COL5A1: variants seen among roughly 807,000 people sequenced by gnomAD.
The protein encoded by COL5A1 is collagen alpha-1(V) chain.
COL5A1 carries 16 observed loss-of-function variants against 263.7 expected under a neutral mutation model. That is an observed-to-expected ratio of 0.06 (90% CI 0.04 to 0.09). The LOEUF is 0.09. Ranked by LOEUF, COL5A1 falls within the 10% of genes least tolerant of loss-of-function variation. The pLI, the probability that COL5A1 is intolerant of heterozygous loss-of-function variation, is 1.00. For missense variants in COL5A1, 2,036 were observed against 2,540.5 expected (o/e 0.80, Z 4.27); for synonymous variants, 1,012 against 1,004.5 (o/e 1.01, Z -0.14).
intron 2 of COL5A1, 39 bp downstream of exon 2, chr9:134,691,118 G>T: frequency 1.2e-6 from 2 of 1,609,978 alleles, no homozygotes; most frequent in East Asian, 2.2e-5. Flanking sequence ...GGTGGGTCCC[G>T]TTGGCCCTCT....
intron 4 of COL5A1, among the ~76,000 whole-genome samples, chr9:134,703,627 G>GTTTTTTTTTTTTTTT (rs55882557): frequency 1.4e-5 from 1 of 73,230 alleles, no homozygotes; most frequent in African/African-American, 5.7e-5. Context: ...GTGGCCTCGG[G>GTTTTTTTTTTTTTTT]TTTTTTTTTT....
In COL5A1 at chr9:134,824,788, G is replaced by A. The variant is rs1588598230; in HGVS notation, c.4887G>A (p.Leu1629=). 1.2e-6 allele frequency: 2 copies of A among 1,614,128 alleles called. No individual in the cohort carries two copies. Among genetic ancestry groups the A allele is most frequent in the Non-Finnish European group, 1.7e-6 (2 of 1,180,044 alleles). Residue 1629 remains leucine (L), a synonymous_variant, in exon 62 of 66, where the codon CTG becomes CTA. Coordinates refer to ENST00000371817, the MANE Select transcript of COL5A1 (RefSeq NM_000093.5). ...AGATTGAGCAGATGAAACGGCCCCT[G>A]GGCACGCAGCAGAACCCCGCCCGCA... ...KLEIEQMKRP[L]GTQQNPARTC... is the part of the protein sequence containing the mutation.
chr9:134,780,362 A>G (rs1181009612), intron 28 of COL5A1, among the ~76,000 whole-genome samples: 1 of 152,180 alleles, frequency 6.6e-6, no homozygotes, highest in African/African-American at 2.4e-5. Flanking sequence ...CCAGGGGCAC[A>G]TCTCCTAGCA....
chr9:134,803,175 G>C (rs928639586), intron 39 of COL5A1, among the ~76,000 whole-genome samples, 180 bp downstream of exon 39: 2 of 152,146 alleles, frequency 1.3e-5, no homozygotes, highest in Non-Finnish European at 2.9e-5. Context: ...TCCAGGAGTC[G>C]CGCTGACCTG....
intron 18 of COL5A1, among the ~76,000 whole-genome samples, chr9:134,761,378 C>G (rs184532580): frequency 6.6e-6 from 1 of 152,346 alleles, no homozygotes; most frequent in African/African-American, 2.4e-5. Context: ...CTCCATGATG[C>G]CTTGAGAAGG....
In COL5A1 at chr9:134,665,115, C is replaced by T. The variant is rs1410721375; in HGVS notation, c.109+22819C>T. On this transcript the variant is annotated intron_variant, in intron 1 of 65. Coordinates refer to ENST00000371817, the MANE Select transcript of COL5A1 (RefSeq NM_000093.5). ...TCAGGAGGCTGAGGCAGGAGAATCACGTGAACCCTGGAGACGGAGGTTGCA... is the reference window on the plus strand; with the variant it reads ...TCAGGAGGCTGAGGCAGGAGAATCATGTGAACCCTGGAGACGGAGGTTGCA... Among the ~76,000 whole-genome samples the T allele has an allele frequency of 4.0e-5, 6 of 151,536 alleles. No individual in the cohort carries two copies. In the South Asian group the frequency reaches 1.0e-3, roughly 26 times the overall value.
intron 1 of COL5A1, among the ~76,000 whole-genome samples, chr9:134,672,761 G>A (rs1832573368): frequency 6.6e-6 from 1 of 152,176 alleles, no homozygotes; most frequent in African/African-American, 2.4e-5. Flanking sequence ...TAGTGACTAT[G>A]TGAAAAAAAT....
At chr9:134,786,200 G>A (rs1837452991) in intron 31 of COL5A1, 152 bp downstream of exon 31, 1 of 748,544 alleles carries the variant, frequency 1.3e-6, no homozygotes, top group Non-Finnish European at 2.3e-6. Context: ...CCTGGTGCAG[G>A]CGTGGGGGTT....
chr9:134,688,167 T>A (rs2132546310), intron 1 of COL5A1, among the ~76,000 whole-genome samples: 1 of 152,352 alleles, frequency 6.6e-6, no homozygotes, highest in South Asian at 2.1e-4. Context: ...CTTAAACTTG[T>A]TGCAACAGAG....
intron 28 of COL5A1, 55 bp from the exon 29 acceptor site, chr9:134,782,612 C>T: frequency 1.3e-6 from 2 of 1,551,188 alleles, no homozygotes; most frequent in Non-Finnish European, 1.8e-6. Flanking sequence ...GAAGGGACCG[C>T]CAGGGAGGCG....
intron 28 of COL5A1, 114 bp from the exon 29 acceptor site, chr9:134,782,552 GC>G (rs948200146): frequency 5.1e-6 from 5 of 982,196 alleles, no homozygotes; most frequent in African/African-American, 1.6e-5. Context: ...GCCATGTGCT[GC>G]CCCCCAAGCG....
At chr9:134,744,071 C>T (rs1027690808) in intron 11 of COL5A1, among the ~76,000 whole-genome samples, 9 of 152,174 alleles carry the variant, frequency 5.9e-5, no homozygotes, top group African/African-American at 2.2e-4. Context: ...AGTCCACTCA[C>T]GAGCACGCAG....
chr9:134,709,670 C>T (rs1037754010), intron 4 of COL5A1, among the ~76,000 whole-genome samples: 35 of 152,152 alleles, frequency 2.3e-4, no homozygotes, highest in African/African-American at 7.7e-4. Flanking sequence ...CTGCCTGGCC[C>T]GAGGTTTGGG....
chr9:134,782,637 G>C (rs1837303595), intron 28 of COL5A1, 30 bp from the exon 29 acceptor site: 1 of 1,612,084 alleles, frequency 6.2e-7, no homozygotes, highest in African/African-American at 1.3e-5. Context: ...CTCTTGCCTA[G>C]ACTAGGGCAC....
rs80138457 is a variant in COL5A1, at chr9:134,729,100, C to G, written c.924+293C>G. On this transcript the variant is annotated intron_variant, in intron 6 of 65. Transcript: ENST00000371817. ...CCCACCCTGTACGAGGCACAGGGCT[C>G]TAGCAGGCCCAGGATGAGTTTGGTT... 4.6e-3 allele frequency among the ~76,000 whole-genome samples: 699 copies of G among 152,344 alleles called. 4 individuals are homozygous for G. Among genetic ancestry groups the G allele is most frequent in the African/African-American group, 0.015 (635 of 41,578 alleles).
At chr9:134,783,437 T>C (rs932104196) in intron 29 of COL5A1, among the ~76,000 whole-genome samples, 2 of 151,848 alleles carry the variant, frequency 1.3e-5, no homozygotes, top group South Asian at 2.1e-4. Context: ...GAAGGAAGGG[T>C]AGGGAGCTCT....
chr9:134,683,534 C>T (rs982459869), intron 1 of COL5A1, among the ~76,000 whole-genome samples: 3 of 152,328 alleles, frequency 2.0e-5, no homozygotes, highest in African/African-American at 4.8e-5. Flanking sequence ...CTTGATCCAG[C>T]TACTCAAACT....
Position 134,794,585 on chromosome 9 carries a change from T to C in COL5A1, c.2701-497T>C, listed in dbSNP as rs1837827613. Among the ~76,000 whole-genome samples, 1 of 152,232 alleles carries C rather than the reference T, an allele frequency of 6.6e-6. No homozygotes were observed. The highest frequency in any genetic ancestry group is 1.5e-5 in the Non-Finnish European group (1 of 68,040). On this transcript the variant is annotated intron_variant, in intron 32 of 65. Transcript: ENST00000371817. The surrounding 1 kb of genome is among the most constrained non-coding windows in gnomAD (Gnocchi z 4.3). ...TTGGATATATGATTTATATATTAAA[T>C]TCCAAGTTTGCGCGTCTGCAGAGCC...
At chr9:134,705,077 A>T (rs1833792938) in intron 4 of COL5A1, among the ~76,000 whole-genome samples, 1 of 152,212 alleles carries the variant, frequency 6.6e-6, no homozygotes, top group South Asian at 2.1e-4. Flanking sequence ...ATTCAAAGCC[A>T]ATCTGTTCTG....
Sources: gnomAD v4.1 joint callset for allele counts (sites outside exome capture counted in the v4.1 genomes callset) on GRCh38, gnomAD v4.1.1 for gene constraint, Gnocchi (gnomAD v3.1) non-coding constraint, MANE v1.5 for transcripts, NCBI Gene and HGNC (gene_info 2026-07-23, HGNC 2026-07-21) for gene names.